MALRD1: variants seen among roughly 807,000 people sequenced by gnomAD.
MALRD1 encodes MAM and LDL-receptor class A domain-containing protein 1.
Under a neutral mutation model 242.1 loss-of-function variants are expected in MALRD1, and 247 were observed. The ratio of observed to expected loss-of-function variants is 1.02; its 90% CI spans 0.92 to 1.13. The LOEUF (loss-of-function observed/expected upper bound fraction) is 1.13, where lower values mean the gene tolerates loss of function less well. Ranked by LOEUF, MALRD1 falls within the 50% of genes most tolerant of loss-of-function variation. The pLI, the probability that MALRD1 is intolerant of heterozygous loss-of-function variation, is 0.00. For missense variants in MALRD1, 2,989 were observed against 2,533.1 expected (o/e 1.18, Z -3.86); for synonymous variants, 995 against 866.6 (o/e 1.15, Z -2.60).
chr10:19,322,363 C>G (rs1335070017), intron 21 of MALRD1, among the ~76,000 whole-genome samples: 6 of 152,076 alleles, frequency 3.9e-5, no homozygotes, highest in African/African-American at 1.4e-4. Context: ...TAAAAATTAA[C>G]TCATAACTCT....
At chr10:19,227,784 C>T (rs10827092) in intron 18 of MALRD1, among the ~76,000 whole-genome samples, 67,809 of 151,890 alleles carry the variant, frequency 0.45, 15,742 homozygotes, top group Admixed American at 0.61. Context: ...TTTAATATAA[C>T]ATTTTGACCT....
At chr10:19,446,681 A>G (rs2131017647) in intron 28 of MALRD1, among the ~76,000 whole-genome samples, 1 of 152,372 alleles carries the variant, frequency 6.6e-6, no homozygotes, top group East Asian at 1.9e-4. Flanking sequence ...CCATGCATAT[A>G]CTATATGTGA....
chr10:19,701,359 A>G (rs186883559), intron 38 of MALRD1, among the ~76,000 whole-genome samples: 24 of 152,138 alleles, frequency 1.6e-4, no homozygotes, highest in African/African-American at 5.5e-4. Context: ...CGGCCCGGAT[A>G]GTTCTGGGGA....
chr10:19,535,726 A>G (rs200702544), intron 32 of MALRD1, among the ~76,000 whole-genome samples: 6 of 152,166 alleles, frequency 3.9e-5, no homozygotes, highest in Admixed American at 3.9e-4. Flanking sequence ...TGAAACTTGT[A>G]TTAGCTTTCT....
chr10:19,490,330 A>G (rs1206597817), intron 29 of MALRD1, among the ~76,000 whole-genome samples: 1 of 152,086 alleles, frequency 6.6e-6, no homozygotes, highest in Admixed American at 6.6e-5. Flanking sequence ...GTTACAATAA[A>G]ATACATTAGA....
chr10:19,494,469 G>A (rs1393246501), intron 30 of MALRD1, among the ~76,000 whole-genome samples: 1 of 152,060 alleles, frequency 6.6e-6, no homozygotes, highest in Admixed American at 6.6e-5. Context: ...TCAGAATATG[G>A]GTAGGAACAA....
At chr10:19,113,290 C>G (rs893117575) in intron 5 of MALRD1, among the ~76,000 whole-genome samples, 1 of 152,062 alleles carries the variant, frequency 6.6e-6, no homozygotes, top group African/African-American at 2.4e-5. Flanking sequence ...TTTCAGTAGT[C>G]CAATGTCCTC....
intron 38 of MALRD1, among the ~76,000 whole-genome samples, chr10:19,714,596 G>T (rs761623493): frequency 6.5e-4 from 99 of 152,116 alleles, no homozygotes; most frequent in Admixed American, 3.1e-3. Context: ...AGTCCTGGGG[G>T]TAGAGCCCTC....
chr10:19,062,669 TTA>T (rs1256362793), intron 1 of MALRD1, among the ~76,000 whole-genome samples: 3 of 152,156 alleles, frequency 2.0e-5, no homozygotes, highest in Non-Finnish European at 4.4e-5. Flanking sequence ...CTTATGTGAG[TTA>T]CCTACAATAC....
rs117517742 is a variant in MALRD1, at chr10:19,240,598, A to G, written c.2992-17086A>G. Among the ~76,000 whole-genome samples the G allele has an allele frequency of 2.0e-4, 31 of 152,176 alleles. 1 individual carries two copies. The highest frequency in any genetic ancestry group is 3.5e-4 in the Non-Finnish European group (24 of 67,964). On this transcript the variant is annotated intron_variant, in intron 18 of 39. Coordinates refer to ENST00000454679, the MANE Select transcript of MALRD1 (RefSeq NM_001142308.3). ...AATTGCTCTGGCTCTGACCTCCAGT[A>G]CTATGCTAAATAGAAGTGGTAGAAG...
chr10:19,325,796 A>G lies in MALRD1; in HGVS notation c.3576+1691A>G. 1.3e-5 allele frequency among the ~76,000 whole-genome samples: 2 copies of G among 152,124 alleles called. 1 individual carries two copies. The highest frequency in any genetic ancestry group is 2.9e-5 in the Non-Finnish European group (2 of 67,994). Reference sequence around the variant, plus strand: ...GCCAAGAAATCTCTAGCATATTTGCAACAAGATTAGACGTGAGTTTCCTGC... The same window carrying G: ...GCCAAGAAATCTCTAGCATATTTGCGACAAGATTAGACGTGAGTTTCCTGC... On this transcript the variant is annotated intron_variant, in intron 22 of 39. Transcript: ENST00000454679.
In MALRD1 at chr10:19,347,686, GC is replaced by G. The variant is rs1325224152; in HGVS notation, c.3902-84del. The G allele has an allele frequency of 3.5e-6, 5 of 1,422,384 alleles. No individual in the cohort carries two copies. In the East Asian group the frequency reaches 1.2e-4, roughly 35 times the overall value. 88.1% of individuals were successfully genotyped at this position (1,422,384 alleles called of 1,614,324 possible). ...AAGGTTTCAAATATTACATGATACA[GC>G]AAGATCACTGCAGTTTTGAATTGCA... On this transcript the variant is annotated intron_variant, in intron 24 of 39. Coordinates refer to ENST00000454679, the MANE Select transcript of MALRD1 (RefSeq NM_001142308.3).
intron 36 of MALRD1, among the ~76,000 whole-genome samples, chr10:19,662,470 G>A (rs768786588): frequency 2.6e-5 from 4 of 151,948 alleles, no homozygotes; most frequent in Non-Finnish European, 5.9e-5. Flanking sequence ...TACTATTTTC[G>A]AGTTTAATAT....
At position 19,719,244 on chromosome 10, in the gene MALRD1, A is replaced by ACATACATACATATATATATATATG. The variant is rs1834621703; in HGVS notation, c.6315-11462_6315-11461insCATACATACATATATATATATATG. ...CATACATATATATATATATATATAT[A>ACATACATACATATATATATATATG]TATATATATATATATGCTATCAAAT... On this transcript the variant is annotated intron_variant, in intron 38 of 39. Coordinates refer to ENST00000454679, the MANE Select transcript of MALRD1 (RefSeq NM_001142308.3). Among the ~76,000 whole-genome samples, 3 of 96,936 alleles carry ACATACATACATATATATATATATG rather than the reference A, an allele frequency of 3.1e-5. No homozygotes were observed. The Admixed American group carries it at 3.8e-4, about 12-fold the overall frequency. 63.6% of individuals were successfully genotyped at this position (96,936 alleles called of 152,430 possible).
At chr10:19,213,265 G>C (rs1837155055) in intron 18 of MALRD1, among the ~76,000 whole-genome samples, 1 of 152,062 alleles carries the variant, frequency 6.6e-6, no homozygotes, top group African/African-American at 2.4e-5. Context: ...CTATTGCTCT[G>C]TTCATGTTTT....
At chr10:19,304,204 T>C (rs1031063463) in intron 21 of MALRD1, among the ~76,000 whole-genome samples, 2 of 151,692 alleles carry the variant, frequency 1.3e-5, no homozygotes, top group African/African-American at 4.8e-5. Flanking sequence ...TCAGATTCCC[T>C]GGCCTGTGGA....
intron 5 of MALRD1, among the ~76,000 whole-genome samples, chr10:19,115,701 C>A (rs1836847944): frequency 6.6e-6 from 1 of 151,856 alleles, no homozygotes. Context: ...CATGGTGAAA[C>A]CCTGTATCTA....
intron 32 of MALRD1, among the ~76,000 whole-genome samples, chr10:19,539,964 A>C (rs1834891223): frequency 6.7e-6 from 1 of 148,650 alleles, no homozygotes; most frequent in Admixed American, 6.7e-5. Flanking sequence ...GCTGGTCTTG[A>C]ACTCCTGAGC....
At chr10:19,593,154 T>C (rs1224730568) in intron 33 of MALRD1, among the ~76,000 whole-genome samples, 1 of 152,220 alleles carries the variant, frequency 6.6e-6, no homozygotes, top group Non-Finnish European at 1.5e-5. Context: ...CTTTCAAGGT[T>C]TGAATTTATA....
Sources: allele counts gnomAD v4.1 joint callset (sites outside exome capture counted in the v4.1 genomes callset), GRCh38; gene constraint gnomAD v4.1.1; transcripts MANE v1.5; gene names NCBI Gene and HGNC (gene_info 2026-07-23, HGNC 2026-07-21).